The following FARP1 variants were observed in gnomAD, a reference collection of about 807,000 sequenced individuals.
FARP1 encodes the protein FERM, ARHGEF and pleckstrin domain-containing protein 1.
FARP1 carries 52 observed loss-of-function variants against 128.8 expected under a neutral mutation model. The ratio of observed to expected loss-of-function variants is 0.40; its 90% CI spans 0.32 to 0.51. The LOEUF (loss-of-function observed/expected upper bound fraction) is 0.51. Ranked by LOEUF, FARP1 falls within the 20% of genes least tolerant of loss-of-function variation. FARP1 has a pLI of 0.45. For missense variants in FARP1, 1,333 were observed against 1,367.9 expected (o/e 0.97, Z 0.40); for synonymous variants, 580 against 551.8 (o/e 1.05, Z -0.72).
At chr13:98,415,923 C>T (rs1461448651) in intron 16 of FARP1, among the ~76,000 whole-genome samples, 1 of 152,258 alleles carries the variant, frequency 6.6e-6, no homozygotes, top group Non-Finnish European at 1.5e-5. Context: ...CGTTGAACCG[C>T]ATTTCCTCCT....
At chr13:98,306,528 G>C (rs636343) in intron 2 of FARP1, among the ~76,000 whole-genome samples, 1 of 146,838 alleles carries the variant, frequency 6.8e-6, no homozygotes, top group East Asian at 2.1e-4. Flanking sequence ...TTTCTTTTTT[G>C]TTTTGAGAAA....
At chr13:98,236,924 G>A (rs1882454681) in intron 2 of FARP1, among the ~76,000 whole-genome samples, 1 of 152,126 alleles carries the variant, frequency 6.6e-6, no homozygotes, top group African/African-American at 2.4e-5. Flanking sequence ...CCCAGGAGGT[G>A]GAGGCTGCCA....
chr13:98,179,088 A>G (rs538109725), intron 1 of FARP1, among the ~76,000 whole-genome samples: 1 of 152,316 alleles, frequency 6.6e-6, no homozygotes, highest in East Asian at 1.9e-4. Flanking sequence ...GCTGCTGATA[A>G]AGACACACCT....
intron 1 of FARP1, among the ~76,000 whole-genome samples, chr13:98,184,580 C>T (rs914799730): frequency 2.6e-5 from 4 of 152,024 alleles, no homozygotes; most frequent in East Asian, 3.9e-4. Flanking sequence ...TAAGGAAGTA[C>T]GACTCTACAT....
chr13:98,177,114 G>C lies in FARP1; in HGVS notation c.-24+33622G>C, dbSNP rs754739460. 1.2e-5 allele frequency: 20 copies of C among 1,601,884 alleles called. No homozygotes were observed. The Middle Eastern group carries it at 5.6e-4, about 45-fold the overall frequency. ...CGCTGCTGCTGCTCTCTCCGTGCTC[G>C]GGGTCGCAGGCCGGGCGCTTTCTGA... On this transcript the variant is annotated intron_variant, in intron 1 of 26. Coordinates refer to ENST00000319562, the MANE Select transcript of FARP1 (RefSeq NM_005766.4).
chr13:98,189,879 T>C (rs982059894), intron 1 of FARP1, among the ~76,000 whole-genome samples: 3 of 152,248 alleles, frequency 2.0e-5, no homozygotes, highest in Non-Finnish European at 1.5e-5. Flanking sequence ...GCTATTCTTG[T>C]TGAAAAACTT....
intron 1 of FARP1, among the ~76,000 whole-genome samples, chr13:98,153,558 TTA>T (rs71111923): frequency 0.013 from 1,509 of 116,432 alleles, 32 homozygotes; most frequent in African/African-American, 0.044. Context: ...AAATATATAT[TTA>T]TATATATTAT....
intron 2 of FARP1, among the ~76,000 whole-genome samples, chr13:98,302,632 G>A (rs559080779): frequency 1.4e-4 from 22 of 152,328 alleles, no homozygotes; most frequent in Non-Finnish European, 2.6e-4. Context: ...TCAAGGAAAG[G>A]CAAGGTGAAG....
At position 98,143,453 on chromosome 13, in the gene FARP1, G is replaced by T; in HGVS notation, c.-63G>T. On this transcript the variant is annotated 5_prime_UTR_variant, in exon 1 of 27. Transcript: ENST00000319562. Reference sequence around the variant, plus strand: ...GGGAGCCGCCGATCCCGGAGCCCGAGCCGGGAGAGGGAGCCGCCGCAGCCG... The same window carrying T: ...GGGAGCCGCCGATCCCGGAGCCCGATCCGGGAGAGGGAGCCGCCGCAGCCG... 6.6e-6 allele frequency: 1 copy of T among 150,614 alleles called. No individual in the cohort carries two copies. Among genetic ancestry groups the T allele is most frequent in the South Asian group, 1.9e-4 (1 of 5,226 alleles). The allele number at this position is 150,614 out of a possible 1,614,324, so 9.3% of individuals were successfully genotyped here. A position where few individuals can be genotyped will look rare whatever the true frequency, so the allele number is the denominator to read the frequency against.
rs1349219352 is a variant in FARP1 at position 98,143,320 on chromosome 13, T to C, written c.-196T>C. 2.0e-5 allele frequency: 3 copies of C among 146,894 alleles called. No individual in the cohort carries two copies. Among genetic ancestry groups the C allele is most frequent in the African/African-American group, 4.9e-5 (2 of 40,542 alleles). 9.1% of individuals were successfully genotyped at this position (146,894 alleles called of 1,614,324 possible). A position where few individuals can be genotyped will look rare whatever the true frequency, so the allele number is the denominator to read the frequency against. ...CCCCTCCGCCCCGCGCCACCTTTGA[T>C]GGCTCGGACCTCAGCCGGCCACCGC... On this transcript the variant is annotated 5_prime_UTR_variant, in exon 1 of 27. An upstream start codon of the reference 5' UTR is lost. Transcript: ENST00000319562.
chr13:98,418,448 T>C (rs1235541238), intron 16 of FARP1, among the ~76,000 whole-genome samples: 2 of 152,188 alleles, frequency 1.3e-5, no homozygotes, highest in East Asian at 1.9e-4. Context: ...CTAATTTTTG[T>C]ATTTTTAGTA....
chr13:98,193,221 C>G (rs1879355624), intron 1 of FARP1, among the ~76,000 whole-genome samples: 1 of 152,118 alleles, frequency 6.6e-6, no homozygotes, highest in Admixed American at 6.6e-5. Flanking sequence ...CCACGCCTGG[C>G]TAATTTTTGT....
intron 2 of FARP1, among the ~76,000 whole-genome samples, chr13:98,277,712 ATGCGGCGCC>A (rs1171273852): frequency 6.6e-6 from 1 of 152,186 alleles, no homozygotes; most frequent in Non-Finnish European, 1.5e-5. Flanking sequence ...TGTTTTATGC[ATGCGGCGCC>A]TGTTTCAGGT....
chr13:98,386,003 C>T, intron 8 of FARP1, 189 bp downstream of exon 8: 1 of 595,064 alleles, frequency 1.7e-6, no homozygotes, highest in Non-Finnish European at 2.9e-6. Flanking sequence ...TTTCACTTAC[C>T]TTTGCCCTGT....
chr13:98,451,259 C>T lies in FARP1; in HGVS notation c.*2942C>T, dbSNP rs542864293. ...ACACAGACTCAATCTGTGTGATTCG[C>T]AAGGACAAAACTCATCTTTGACTTA... On this transcript the variant is annotated 3_prime_UTR_variant, in exon 27 of 27. Coordinates refer to ENST00000319562, the MANE Select transcript of FARP1 (RefSeq NM_005766.4). 6.6e-6 allele frequency: 1 copy of T among 152,274 alleles called. No homozygotes were observed. The highest frequency in any genetic ancestry group is 2.1e-4 in the South Asian group (1 of 4,822). 9.4% of individuals were successfully genotyped at this position (152,274 alleles called of 1,614,324 possible).
intron 1 of FARP1, among the ~76,000 whole-genome samples, chr13:98,163,580 G>C (rs568293980): frequency 6.7e-6 from 1 of 149,650 alleles, no homozygotes; most frequent in Non-Finnish European, 1.5e-5. Flanking sequence ...TCTGTCACCC[G>C]GGCTGGAGTG....
chr13:98,156,025 G>A (rs537550596), intron 1 of FARP1, among the ~76,000 whole-genome samples: 3 of 152,190 alleles, frequency 2.0e-5, no homozygotes, highest in Non-Finnish European at 4.4e-5. Context: ...CTACTCAAAA[G>A]TTAGGTCGTC....
chr13:98,390,338 A>G (rs932647636), intron 10 of FARP1, among the ~76,000 whole-genome samples: 1 of 152,218 alleles, frequency 6.6e-6, no homozygotes, highest in African/African-American at 2.4e-5. Context: ...GCCTAGCGGG[A>G]GTCTCTAACT....
At chr13:98,285,552 A>G (rs757788170) in intron 2 of FARP1, among the ~76,000 whole-genome samples, 1 of 152,224 alleles carries the variant, frequency 6.6e-6, no homozygotes, top group Non-Finnish European at 1.5e-5. Flanking sequence ...TGTCTCACAG[A>G]AATTTGAAAC....
Sources: gnomAD v4.1 joint callset for allele counts (sites outside exome capture counted in the v4.1 genomes callset) on GRCh38, gnomAD v4.1.1 for gene constraint, MANE v1.5 for transcripts, NCBI Gene and HGNC (gene_info 2026-07-23, HGNC 2026-07-21) for gene names.